EBF2: variants seen among roughly 807,000 people sequenced by gnomAD.
The protein encoded by EBF2 is transcription factor COE2.
EBF2 carries 21 observed loss-of-function variants against 72.8 expected under a neutral mutation model. That is an observed-to-expected ratio of 0.29 (90% CI 0.20 to 0.42). The LOEUF is 0.42. Among genes scored for constraint, EBF2 ranks in the 10% least tolerant of loss-of-function variants. The pLI is 1.00. For synonymous variants in EBF2, 299 were observed against 274.2 expected (o/e 1.09, Z -0.89); for missense variants, 637 against 731.2 (o/e 0.87, Z 1.49).
chr8:25,855,474 G>A (rs149984831), intron 14 of EBF2, among the ~76,000 whole-genome samples: 91 of 152,238 alleles, frequency 6.0e-4, no homozygotes, highest in Non-Finnish European at 1.1e-3. Flanking sequence ...GATACTCTAC[G>A]TTGGCTGTCA....
At chr8:25,846,095 C>A (rs142804144) in intron 15 of EBF2, among the ~76,000 whole-genome samples, 94 of 152,274 alleles carry the variant, frequency 6.2e-4, no homozygotes, top group African/African-American at 2.1e-3. Flanking sequence ...CTAGCAAAGC[C>A]TTAATTATTT....
rs372836273 is a variant in EBF2, at chr8:25,985,779, C to T, written c.551+47306G>A. Among the ~76,000 whole-genome samples, 9 of 151,802 alleles carry T rather than the reference C, an allele frequency of 5.9e-5. No homozygotes were observed. In the East Asian group the frequency reaches 7.7e-4, roughly 13 times the overall value. On this transcript the variant is annotated intron_variant, in intron 6 of 15. Coordinates refer to ENST00000520164, the MANE Select transcript of EBF2 (RefSeq NM_022659.4). ...CTTTGGGAGGCTGAGGCAGGCCGAC[C>T]GCTTGAGCCCAGGAGTTTAAGACCA...
intron 7 of EBF2, among the ~76,000 whole-genome samples, chr8:25,896,137 A>C (rs1396652299): frequency 3.3e-5 from 5 of 152,246 alleles, no homozygotes; most frequent in African/African-American, 4.8e-5. Context: ...AAAATGAAAA[A>C]TGTGTGGAAT....
chr8:25,981,961 T>A (rs1053386909), intron 6 of EBF2, among the ~76,000 whole-genome samples: 1 of 152,116 alleles, frequency 6.6e-6, no homozygotes, highest in South Asian at 2.1e-4. Context: ...AGAATAAAAT[T>A]TTTTGCAAAC....
intron 6 of EBF2, among the ~76,000 whole-genome samples, chr8:25,956,141 G>A (rs915886307): frequency 6.6e-6 from 1 of 152,034 alleles, no homozygotes; most frequent in Non-Finnish European, 1.5e-5. Context: ...ATTGCTGGCC[G>A]GGTTCAGTGG....
intron 6 of EBF2, among the ~76,000 whole-genome samples, chr8:25,980,489 G>C (rs1804341589): frequency 6.6e-6 from 1 of 152,142 alleles, no homozygotes; most frequent in Admixed American, 6.5e-5. Context: ...CATTTCACAA[G>C]GTCCCCCAGT....
intron 7 of EBF2, among the ~76,000 whole-genome samples, chr8:25,893,710 TG>T (rs1350552874): frequency 1.3e-5 from 2 of 152,184 alleles, no homozygotes; most frequent in Non-Finnish European, 2.9e-5. Flanking sequence ...CTTGTCATAC[TG>T]TCCATTAATA....
At chr8:25,950,516 A>G (rs1803843887) in intron 6 of EBF2, among the ~76,000 whole-genome samples, 1 of 152,252 alleles carries the variant, frequency 6.6e-6, no homozygotes, top group Admixed American at 6.5e-5. Context: ...GCCACTGGCC[A>G]CTGCCTTGAG....
At chr8:25,950,726 A>G (rs759171429) in intron 6 of EBF2, among the ~76,000 whole-genome samples, 7 of 152,194 alleles carry the variant, frequency 4.6e-5, no homozygotes, top group Non-Finnish European at 7.3e-5. Flanking sequence ...CAGGCATGGA[A>G]CCATGATCTT....
At chr8:25,861,480 G>T in intron 11 of EBF2, 106 bp from the exon 12 acceptor site, 2 of 1,254,176 alleles carry the variant, frequency 1.6e-6, no homozygotes, top group Non-Finnish European at 2.3e-6. Context: ...CTCCCAAAAT[G>T]TAAGTAATTA....
Position 25,858,518 on chromosome 8 carries a change from A to C in EBF2, c.1343-14T>G. ...TGCGGATGTACCCTTGGCAACAAAG[A>C]AAAAGCCCAGGTAAATCAACAGGCG... On this transcript the variant is annotated splice_polypyrimidine_tract_variant and intron_variant, in intron 13 of 15. Transcript: ENST00000520164. 1 of 1,611,004 alleles carries C rather than the reference A, an allele frequency of 6.2e-7. No homozygotes were observed. The highest frequency in any genetic ancestry group is 8.5e-7 in the Non-Finnish European group (1 of 1,178,916).
Position 26,042,180 on chromosome 8 carries a change from TGAAA to T in EBF2, c.199_202del (p.Phe67ThrfsTer87). 2 of 1,613,892 alleles carry T rather than the reference TGAAA, an allele frequency of 1.2e-6. No homozygotes were observed. The highest frequency in any genetic ancestry group is 1.7e-6 in the Non-Finnish European group (2 of 1,179,962). On this transcript the variant is annotated frameshift_variant, in exon 2 of 16. Transcript: ENST00000520164. LOFTEE classifies it high-confidence loss of function. ...CCTGTCATAGAGCGCCAGGACGAAG[TGAAA>T]GAAGTTGGATTTCCTCAAGTTGGAA...
chr8:25,950,352 A>G (rs1355812355), intron 6 of EBF2, among the ~76,000 whole-genome samples: 2 of 152,228 alleles, frequency 1.3e-5, no homozygotes, highest in African/African-American at 4.8e-5. Flanking sequence ...GAAATGTACA[A>G]TGAAATTGGA....
chr8:25,984,544 T>G (rs1400762735), intron 6 of EBF2, among the ~76,000 whole-genome samples: 2 of 152,048 alleles, frequency 1.3e-5, no homozygotes, highest in Non-Finnish European at 2.9e-5. Flanking sequence ...TAGCCAGGCC[T>G]GGTGGCGCAC....
At chr8:25,943,550 G>A (rs1803715629) in intron 6 of EBF2, among the ~76,000 whole-genome samples, 1 of 151,924 alleles carries the variant, frequency 6.6e-6, no homozygotes, top group African/African-American at 2.4e-5. Context: ...AAAACCTGAG[G>A]GTTCCTGACT....
chr8:25,911,439 AC>A (rs1803129769), intron 6 of EBF2, among the ~76,000 whole-genome samples: 2 of 152,184 alleles, frequency 1.3e-5, no homozygotes, highest in Admixed American at 1.3e-4. Flanking sequence ...AGAGGAGTCA[AC>A]ATGGCAACTC....
chr8:25,992,943 C>G (rs1804568677), intron 6 of EBF2, among the ~76,000 whole-genome samples: 1 of 151,814 alleles, frequency 6.6e-6, no homozygotes, highest in African/African-American at 2.4e-5. Flanking sequence ...AAGAATATCA[C>G]AGGCAAAAGG....
At chr8:25,930,761 G>A (rs1803465829) in intron 6 of EBF2, among the ~76,000 whole-genome samples, 1 of 152,154 alleles carries the variant, frequency 6.6e-6, no homozygotes, top group Admixed American at 6.5e-5. Flanking sequence ...TTGGCTACCT[G>A]TACATTTGAG....
At chr8:25,920,887 G>A (rs932818627) in intron 6 of EBF2, among the ~76,000 whole-genome samples, 1 of 151,384 alleles carries the variant, frequency 6.6e-6, no homozygotes, top group Admixed American at 6.6e-5. Flanking sequence ...ATGATGTAGT[G>A]TGCTTTTTTT....
Sources: allele counts gnomAD v4.1 joint callset (sites outside exome capture counted in the v4.1 genomes callset), GRCh38; gene constraint gnomAD v4.1.1; transcripts MANE v1.5; gene names NCBI Gene and HGNC (gene_info 2026-07-23, HGNC 2026-07-21).